The following LPP variants were observed in gnomAD, a reference collection of about 807,000 sequenced individuals.
LPP encodes lipoma-preferred partner.
Under a neutral mutation model 60.4 loss-of-function variants are expected in LPP, and 38 were observed. The observed-to-expected ratio is 0.63, with a 90% CI of 0.49 to 0.83. The LOEUF (loss-of-function observed/expected upper bound fraction) is 0.83. LPP is among the 40% of genes least tolerant of loss of function. The pLI is 0.00. For missense variants in LPP, 902 were observed against 783.6 expected (o/e 1.15, Z -1.80); for synonymous variants, 328 against 290.8 (o/e 1.13, Z -1.30).
At position 188,889,033 on chromosome 3, in the gene LPP, A is replaced by T. The variant is rs893234787; in HGVS notation, c.*14554A>T. 1 of 220,592 alleles carries T rather than the reference A, an allele frequency of 4.5e-6. No individual in the cohort carries two copies. The highest frequency in any genetic ancestry group is 9.1e-6 in the Non-Finnish European group (1 of 110,164). The allele number at this position is 220,592 out of a possible 1,614,324, so 13.7% of individuals were successfully genotyped here. On this transcript the variant is annotated 3_prime_UTR_variant, in exon 12 of 12. Coordinates refer to ENST00000617246, the MANE Select transcript of LPP (RefSeq NM_001375462.1). ...CATATGTGTGTTCTATAAACTAAGC[A>T]TCGGTGGGTTTAGAGTGTTAAAGTG...
At chr3:188,600,826 T>C (rs1841008533) in intron 6 of LPP, among the ~76,000 whole-genome samples, 1 of 152,118 alleles carries the variant, frequency 6.6e-6, no homozygotes. Flanking sequence ...TTTTTTGTTT[T>C]TGTAACTGGC....
At chr3:188,365,972 C>T (rs1004725145) in intron 3 of LPP, among the ~76,000 whole-genome samples, 1 of 152,174 alleles carries the variant, frequency 6.6e-6, no homozygotes, top group African/African-American at 2.4e-5. Flanking sequence ...ACAGCCACCG[C>T]ACTGTGTATT....
At chr3:188,574,071 C>T (rs1451466607) in intron 6 of LPP, among the ~76,000 whole-genome samples, 1 of 152,098 alleles carries the variant, frequency 6.6e-6, no homozygotes, top group Non-Finnish European at 1.5e-5. Context: ...GGGACAGCAA[C>T]CAGAGAGGCT....
chr3:188,551,340 A>G (rs1009795524), intron 6 of LPP, among the ~76,000 whole-genome samples: 7 of 152,186 alleles, frequency 4.6e-5, no homozygotes, highest in Admixed American at 2.6e-4. Flanking sequence ...CCATGATTCA[A>G]ATTATCTCCC....
chr3:188,642,659 A>C (rs4686989), intron 7 of LPP, among the ~76,000 whole-genome samples: 1 of 152,170 alleles, frequency 6.6e-6, no homozygotes, highest in African/African-American at 2.4e-5. Context: ...ATAATCGGTC[A>C]GGTGCGGTGG....
intron 1 of LPP, among the ~76,000 whole-genome samples, chr3:188,188,339 G>C (rs1303447329): frequency 6.6e-6 from 1 of 152,184 alleles, no homozygotes; most frequent in Non-Finnish European, 1.5e-5. Context: ...GCTTTTGGAA[G>C]ATATAATGTA....
chr3:188,548,050 T>TA (rs1203160038), intron 6 of LPP, among the ~76,000 whole-genome samples: 2 of 152,170 alleles, frequency 1.3e-5, no homozygotes, highest in Non-Finnish European at 2.9e-5. Flanking sequence ...CAGCCATTGT[T>TA]AACGTGGGAT....
chr3:188,822,883 CA>C (rs1754379385), intron 9 of LPP, among the ~76,000 whole-genome samples: 1 of 152,128 alleles, frequency 6.6e-6, no homozygotes, highest in Non-Finnish European at 1.5e-5. Flanking sequence ...GAAATCCCTC[CA>C]AAGTAAATCC....
intron 2 of LPP, among the ~76,000 whole-genome samples, chr3:188,237,481 T>C (rs1722334038): frequency 6.6e-6 from 1 of 152,234 alleles, no homozygotes; most frequent in Admixed American, 6.5e-5. Flanking sequence ...CTATGGCAGC[T>C]AGAGCCATAT....
chr3:188,609,069 GTTA>G lies in LPP; in HGVS notation c.430-88_430-86del, dbSNP rs1482047678. 4.4e-6 allele frequency: 4 copies of G among 907,782 alleles called. No homozygotes were observed. The East Asian group carries it at 1.1e-4, about 24-fold the overall frequency. The allele number at this position is 907,782 out of a possible 1,614,324, so 56.2% of individuals were successfully genotyped here. A position where few individuals can be genotyped will look rare whatever the true frequency, so the allele number is the denominator to read the frequency against. ...ACATAGTAATAAATAATAATTAGCAGTTATTAATATTTTTCATTTATTCATTTT... is the reference window on the plus strand; with the variant it reads ...ACATAGTAATAAATAATAATTAGCAGTTAATATTTTTCATTTATTCATTTT... On this transcript the variant is annotated intron_variant, in intron 6 of 11. Coordinates refer to ENST00000617246, the MANE Select transcript of LPP (RefSeq NM_001375462.1). The surrounding 1 kb of genome is among the most constrained non-coding windows in gnomAD (Gnocchi z 6.9).
In LPP at chr3:188,524,712, C is replaced by T. The variant is rs146490639; in HGVS notation, c.354C>T (p.Asp118=). 17 of 1,613,970 alleles carry T rather than the reference C, an allele frequency of 1.1e-5. No individual in the cohort carries two copies. The highest frequency in any genetic ancestry group is 3.3e-4 in the Middle Eastern group (2 of 6,072). Residue 118 remains aspartate, a synonymous_variant, in exon 6 of 12, where the codon GAC becomes GAT. Coordinates refer to ENST00000617246, the MANE Select transcript of LPP (RefSeq NM_001375462.1). ...KTLEERRSSL[D]AEIDSLTSIL... ...TTGAGGAGAGGCGCTCCAGCCTGGA[C>T]GCTGAGATTGACTCCTTGACCAGCA...
intron 2 of LPP, among the ~76,000 whole-genome samples, chr3:188,304,810 C>A (rs188160184): frequency 6.6e-6 from 1 of 152,322 alleles, no homozygotes; most frequent in African/African-American, 2.4e-5. Context: ...AAGATAATTT[C>A]TCTTAAGCTT....
At chr3:188,558,434 G>A (rs773330162) in intron 6 of LPP, among the ~76,000 whole-genome samples, 20 of 151,974 alleles carry the variant, frequency 1.3e-4, no homozygotes, top group Non-Finnish European at 2.1e-4. Flanking sequence ...TGCTGTACAC[G>A]TTTCTTTTGA....
chr3:188,178,574 A>ACCTTTATG (rs1415146622), intron 1 of LPP: 1 of 152,208 alleles, frequency 6.6e-6, no homozygotes, highest in African/African-American at 2.4e-5. Context: ...GCAATCATTT[A>ACCTTTATG]CCTTTATGGT....
At chr3:188,323,351 G>A (rs1757483806) in intron 2 of LPP, among the ~76,000 whole-genome samples, 1 of 152,146 alleles carries the variant, frequency 6.6e-6, no homozygotes, top group South Asian at 2.1e-4. Flanking sequence ...CCTGGGCTGG[G>A]GAAATATCTA....
At chr3:188,501,831 C>T (rs573623086) in intron 5 of LPP, among the ~76,000 whole-genome samples, 9 of 151,228 alleles carry the variant, frequency 6.0e-5, no homozygotes, top group African/African-American at 2.2e-4. Flanking sequence ...GCAGGAGAAT[C>T]GCTTGAACCC....
rs1407635260 is a variant in LPP, at chr3:188,182,894, A to C, written c.-190+28642A>C. Among the ~76,000 whole-genome samples the C allele has an allele frequency of 6.6e-6, 1 of 152,066 alleles. No homozygotes were observed. The highest frequency in any genetic ancestry group is 2.4e-5 in the African/African-American group (1 of 41,414). ...TAGAATCAAAATCTCTGAGAAGTAG[A>C]CCTGGTCAAGAGTACTTAGAGAAAA... On this transcript the variant is annotated intron_variant, in intron 1 of 11. Transcript: ENST00000617246. The surrounding 1 kb of genome is among the most constrained non-coding windows in gnomAD (Gnocchi z 4.4).
chr3:188,684,801 G>A (rs1860315956), intron 7 of LPP, among the ~76,000 whole-genome samples: 1 of 151,308 alleles, frequency 6.6e-6, no homozygotes, highest in African/African-American at 2.4e-5. Flanking sequence ...CATCTCTCAT[G>A]CATGGTATAG....
chr3:188,825,044 A>G (rs2151495739), intron 9 of LPP, among the ~76,000 whole-genome samples: 1 of 152,284 alleles, frequency 6.6e-6, no homozygotes, highest in East Asian at 1.9e-4. Context: ...CTTTCTGCTT[A>G]TGTTTTGGTT....
Sources: allele counts gnomAD v4.1 joint callset (sites outside exome capture counted in the v4.1 genomes callset), GRCh38; gene constraint gnomAD v4.1.1; non-coding constraint Gnocchi (gnomAD v3.1); transcripts MANE v1.5; gene names NCBI Gene and HGNC (gene_info 2026-07-23, HGNC 2026-07-21).